WDPCP: variants seen among roughly 807,000 people sequenced by gnomAD.
The protein encoded by WDPCP is WD repeat-containing and planar cell polarity effector protein fritz homolog.
A neutral mutation model predicts 93.1 loss-of-function variants in WDPCP; 71 were observed. The observed-to-expected ratio is 0.76, with a 90% confidence interval of 0.63 to 0.93. WDPCP has a LOEUF of 0.93. Among genes scored for constraint, WDPCP ranks in the 40% least tolerant of loss-of-function variants. The pLI, the probability that WDPCP is intolerant of heterozygous loss-of-function variation, is 0.00. For missense variants in WDPCP, 844 were observed against 887.4 expected, an observed-to-expected ratio of 0.95 and a Z score of 0.62; for synonymous variants, 315 against 315.0, an observed-to-expected ratio of 1.00 and a Z score of 0.00.
At chr2:63,576,705 C>T (rs1242387930) in intron 1 of WDPCP, among the ~76,000 whole-genome samples, 1 of 152,176 alleles carries the variant, frequency 6.6e-6, no homozygotes, top group African/African-American at 2.4e-5. Flanking sequence ...GTTGGCTCCT[C>T]TGGCAACCAG....
chr2:63,565,291 T>C (rs1329356308), intron 1 of WDPCP, among the ~76,000 whole-genome samples: 1 of 152,234 alleles, frequency 6.6e-6, no homozygotes, highest in East Asian at 1.9e-4. Context: ...CTTATGAATT[T>C]GTTATGAATA....
chr2:63,721,911 G>A (rs1669421310), intron 2 of WDPCP, among the ~76,000 whole-genome samples: 1 of 152,174 alleles, frequency 6.6e-6, no homozygotes, highest in Admixed American at 6.5e-5. Flanking sequence ...GACTGGTTTT[G>A]GTGGAGATGG....
chr2:63,582,322 C>T (rs1342003377), intron 1 of WDPCP, among the ~76,000 whole-genome samples: 1 of 152,032 alleles, frequency 6.6e-6, no homozygotes, highest in Non-Finnish European at 1.5e-5. Flanking sequence ...AAATAAAAAA[C>T]TGGTGTCCTT....
At chr2:63,705,766 G>A (rs371708617) in intron 2 of WDPCP, among the ~76,000 whole-genome samples, 6,432 of 115,464 alleles carry the variant, frequency 0.056, 443 homozygotes, top group Middle Eastern at 0.12. Context: ...AGAAGAATGT[G>A]TATTCTGTTG....
At chr2:63,372,895 G>A (rs986226526) in intron 12 of WDPCP, among the ~76,000 whole-genome samples, 8 of 152,060 alleles carry the variant, frequency 5.3e-5, no homozygotes, top group Admixed American at 1.3e-4. Context: ...AGGCCGAGGC[G>A]GGTGAATCAC....
At chr2:63,340,390 G>A (rs768049092) in intron 12 of WDPCP, among the ~76,000 whole-genome samples, 5 of 152,252 alleles carry the variant, frequency 3.3e-5, no homozygotes, top group East Asian at 1.9e-4. Flanking sequence ...GTGATTTGGC[G>A]TCTCCTTTGG....
chr2:63,242,537 G>C (rs1304595909), intron 14 of WDPCP, among the ~76,000 whole-genome samples: 1 of 152,162 alleles, frequency 6.6e-6, no homozygotes, highest in Non-Finnish European at 1.5e-5. Context: ...CAGGAGGATT[G>C]CTTGTGCCTG....
At chr2:63,559,451 G>T (rs566772612) in intron 1 of WDPCP, among the ~76,000 whole-genome samples, 1 of 152,168 alleles carries the variant, frequency 6.6e-6, no homozygotes, top group African/African-American at 2.4e-5. Context: ...AGAAATAAAG[G>T]GTATTCAAAT....
chr2:63,171,113 G>C (rs1673357457), intron 15 of WDPCP, among the ~76,000 whole-genome samples: 1 of 151,826 alleles, frequency 6.6e-6, no homozygotes, highest in African/African-American at 2.4e-5. Flanking sequence ...ACTTCTAGAA[G>C]AAAACATGAG....
In WDPCP at chr2:63,308,049, AAAAC is replaced by A. The variant is rs200179788; in HGVS notation, c.1812+5195_1812+5198del. ...CAAAGAACTTAAACAAATGTACAAG[AAAAC>A]AAACAAACAACCCCATCAAAAAGTG... On this transcript the variant is annotated intron_variant, in intron 13 of 17. Transcript: ENST00000272321. Among the ~76,000 whole-genome samples, 877 of 152,338 alleles carry A rather than the reference AAAAC, an allele frequency of 5.8e-3. 7 individuals carry two copies. Among genetic ancestry groups the A allele is most frequent in the Middle Eastern group, 6.8e-3 (2 of 294 alleles).
chr2:63,679,683 C>T (rs978627889), intron 2 of WDPCP, among the ~76,000 whole-genome samples: 1 of 152,036 alleles, frequency 6.6e-6, no homozygotes, highest in East Asian at 1.9e-4. Flanking sequence ...TCCACGACCT[C>T]GTTAGTAGGT....
At chr2:63,129,597 G>T (rs1670156758) in intron 17 of WDPCP, among the ~76,000 whole-genome samples, 1 of 151,840 alleles carries the variant, frequency 6.6e-6, no homozygotes, top group South Asian at 2.1e-4. Flanking sequence ...TGTACTTTTT[G>T]TCCATTTGTA....
At chr2:63,370,220 C>T (rs1259650590) in intron 12 of WDPCP, among the ~76,000 whole-genome samples, 2 of 152,116 alleles carry the variant, frequency 1.3e-5, no homozygotes, top group African/African-American at 4.8e-5. Flanking sequence ...CATGGTATTC[C>T]TTCCTAAATG....
chr2:63,800,155 A>G (rs1474764122), intron 2 of WDPCP, among the ~76,000 whole-genome samples: 2 of 152,224 alleles, frequency 1.3e-5, no homozygotes, highest in African/African-American at 4.8e-5. Context: ...TTTAGAATGT[A>G]TCCAAATAGG....
At chr2:63,412,010 C>T (rs1469789225) in intron 9 of WDPCP, among the ~76,000 whole-genome samples, 5 of 152,042 alleles carry the variant, frequency 3.3e-5, no homozygotes, top group African/African-American at 1.2e-4. Flanking sequence ...AAAGGAACAA[C>T]CTTCCCTACT....
chr2:63,181,375 G>A (rs1252769220), intron 14 of WDPCP, among the ~76,000 whole-genome samples: 1 of 152,002 alleles, frequency 6.6e-6, no homozygotes, highest in African/African-American at 2.4e-5. Flanking sequence ...CTTGTAGATG[G>A]TGAGAGACAG....
intron 6 of WDPCP, among the ~76,000 whole-genome samples, chr2:63,482,059 T>C (rs183376984): frequency 6.3e-4 from 96 of 152,100 alleles, no homozygotes; most frequent in Non-Finnish European, 1.2e-3. Flanking sequence ...GATCATTGGA[T>C]TGACAACATC....
intron 2 of WDPCP, among the ~76,000 whole-genome samples, chr2:63,761,988 T>G (rs964957405): frequency 2.6e-5 from 4 of 152,158 alleles, no homozygotes; most frequent in Non-Finnish European, 4.4e-5. Flanking sequence ...AAAAAACACG[T>G]GCATCAGATA....
chr2:63,258,251 A>G (rs1681303126), intron 14 of WDPCP, among the ~76,000 whole-genome samples: 1 of 152,194 alleles, frequency 6.6e-6, no homozygotes, highest in African/African-American at 2.4e-5. Context: ...AGTATTCCCT[A>G]TCCATTAGAA....
Sources: allele counts gnomAD v4.1 joint callset (sites outside exome capture counted in the v4.1 genomes callset), GRCh38; gene constraint gnomAD v4.1.1; transcripts MANE v1.5; gene names NCBI Gene and HGNC (gene_info 2026-07-23, HGNC 2026-07-21).